Variants in NR5A2 observed in about 807,000 individuals in gnomAD.
The protein encoded by NR5A2 is CYP7A promoter-binding factor.
In NR5A2, 26 loss-of-function variants were observed where a neutral mutation model predicts 62.7. That is an observed-to-expected ratio of 0.41 (90% CI 0.30 to 0.58). NR5A2 has a LOEUF of 0.58. Among genes scored for constraint, NR5A2 ranks in the 20% least tolerant of loss-of-function variants. The pLI is 0.22. For missense variants in NR5A2, 541 were observed against 669.1 expected, an observed-to-expected ratio of 0.81 and a Z score of 2.11; for synonymous variants, 246 against 241.7, an observed-to-expected ratio of 1.02 and a Z score of -0.16.
intron 5 of NR5A2, among the ~76,000 whole-genome samples, chr1:200,092,268 A>G (rs1236385243): frequency 6.6e-6 from 1 of 152,218 alleles, no homozygotes; most frequent in African/African-American, 2.4e-5. Context: ...CAGACATAAT[A>G]TAGTAACTCT....
chr1:200,077,648 A>G (rs1228748000), intron 5 of NR5A2, among the ~76,000 whole-genome samples: 1 of 152,336 alleles, frequency 6.6e-6, no homozygotes, highest in South Asian at 2.1e-4. Context: ...TGGGAGGCGG[A>G]GGTTGCAGTG....
At chr1:200,157,375 G>T (rs1367789477) in intron 7 of NR5A2, among the ~76,000 whole-genome samples, 1 of 151,970 alleles carries the variant, frequency 6.6e-6, no homozygotes, top group Non-Finnish European at 1.5e-5. Flanking sequence ...AAAGGGAATG[G>T]TCACCACATA....
chr1:200,043,192 C>G (rs867956914), intron 2 of NR5A2, among the ~76,000 whole-genome samples: 1 of 152,160 alleles, frequency 6.6e-6, no homozygotes, highest in Non-Finnish European at 1.5e-5. Context: ...CTGAATGTTT[C>G]GATTATCTAA....
At chr1:200,155,632 T>A (rs977848646) in intron 7 of NR5A2, among the ~76,000 whole-genome samples, 1 of 152,186 alleles carries the variant, frequency 6.6e-6, no homozygotes, top group African/African-American at 2.4e-5. Flanking sequence ...TTCCTTCTGT[T>A]AATGGAGGAT....
chr1:200,111,353 C>T, intron 6 of NR5A2, 32 bp downstream of exon 6: 3 of 1,300,166 alleles, frequency 2.3e-6, no homozygotes, highest in Non-Finnish European at 3.2e-6. Flanking sequence ...AAAAAAAAAG[C>T]ATCTTTTTAT....
At chr1:200,149,311 C>T (rs871446) in intron 7 of NR5A2, among the ~76,000 whole-genome samples, 16,864 of 152,196 alleles carry the variant, frequency 0.11, 1,028 homozygotes, top group African/African-American at 0.13. Flanking sequence ...GAGTGTGGGT[C>T]GCAATAACTG....
At chr1:200,053,826 G>A (rs2102178957) in intron 5 of NR5A2, among the ~76,000 whole-genome samples, 1 of 152,270 alleles carries the variant, frequency 6.6e-6, no homozygotes, top group African/African-American at 2.4e-5. Flanking sequence ...GTATCATTCA[G>A]TACAGTGGAT....
At chr1:200,143,385 C>T (rs1449303314) in intron 7 of NR5A2, among the ~76,000 whole-genome samples, 1 of 152,106 alleles carries the variant, frequency 6.6e-6, no homozygotes. Flanking sequence ...CCACAGCTTA[C>T]CAAATCTATA....
intron 7 of NR5A2, among the ~76,000 whole-genome samples, chr1:200,122,743 G>A (rs920417338): frequency 2.0e-5 from 3 of 152,106 alleles, no homozygotes; most frequent in Non-Finnish European, 4.4e-5. Context: ...TGGCCTAAAT[G>A]TCCATTAAAT....
chr1:200,162,501 T>C (rs958811475), intron 7 of NR5A2, among the ~76,000 whole-genome samples: 7 of 152,156 alleles, frequency 4.6e-5, no homozygotes, highest in African/African-American at 1.7e-4. Context: ...TGGGGTGCCA[T>C]TGAATGATTT....
intron 7 of NR5A2, among the ~76,000 whole-genome samples, chr1:200,132,849 A>C (rs1558158577): frequency 6.6e-6 from 1 of 152,188 alleles, no homozygotes; most frequent in Non-Finnish European, 1.5e-5. Context: ...CCACATCCCA[A>C]GTTACCCAGA....
intron 5 of NR5A2, among the ~76,000 whole-genome samples, chr1:200,083,731 C>T (rs1365548140): frequency 6.6e-6 from 1 of 152,054 alleles, no homozygotes; most frequent in Admixed American, 6.6e-5. Flanking sequence ...CTTTGGGAGG[C>T]TGAGGCAGGT....
chr1:200,033,137 A>ACTCTGGAGTTTCCTGGAAAGGAT (rs1177102913), intron 1 of NR5A2, among the ~76,000 whole-genome samples: 13 of 152,052 alleles, frequency 8.5e-5, no homozygotes, highest in African/African-American at 3.1e-4. Flanking sequence ...CTGGTCCCCT[A>ACTCTGGAGTTTCCTGGAAAGGAT]CTCTGGAGTT....
At chr1:200,150,140 A>T (rs1374837404) in intron 7 of NR5A2, among the ~76,000 whole-genome samples, 1 of 152,196 alleles carries the variant, frequency 6.6e-6, no homozygotes, top group East Asian at 1.9e-4. Flanking sequence ...TCTCTCCTAT[A>T]CTTCTTGTTT....
chr1:200,093,933 G>C (rs1050380967), intron 5 of NR5A2, among the ~76,000 whole-genome samples: 1 of 152,146 alleles, frequency 6.6e-6, no homozygotes, highest in African/African-American at 2.4e-5. Flanking sequence ...GAGGCGGGCG[G>C]ATCACGAGGT....
chr1:200,158,001 T>G (rs548636462), intron 7 of NR5A2, among the ~76,000 whole-genome samples: 5 of 152,316 alleles, frequency 3.3e-5, no homozygotes, highest in African/African-American at 1.2e-4. Context: ...ATAGTAACAG[T>G]TCTCATATGG....
In NR5A2 at chr1:200,054,295, G is replaced by A. The variant is rs561319593; in HGVS notation, c.1110+5477G>A. The A allele has an allele frequency of 2.6e-5, 4 of 152,114 alleles. No homozygotes were observed. The South Asian group carries it at 6.2e-4, about 24-fold the overall frequency. The allele number at this position is 152,114 out of a possible 1,614,324, so 9.4% of individuals were successfully genotyped here. Reference sequence around the variant, plus strand: ...GTTTTTAGAAATTAAGAGCTAATTCGAGACTTTTGTATTCTGCTGAAAGAG... The same window carrying A: ...GTTTTTAGAAATTAAGAGCTAATTCAAGACTTTTGTATTCTGCTGAAAGAG... On this transcript the variant is annotated intron_variant, in intron 5 of 7. Coordinates refer to ENST00000367362, the MANE Select transcript of NR5A2 (RefSeq NM_205860.3).
intron 4 of NR5A2, 117 bp downstream of exon 4, chr1:200,045,701 A>G (rs1040755521): frequency 1.3e-6 from 1 of 742,252 alleles, no homozygotes; most frequent in African/African-American, 1.8e-5. Context: ...CACTACCGAC[A>G]ATACTGTAAG....
Position 200,045,530 on chromosome 1 carries a change from C to T in NR5A2, c.409C>T (p.Arg137Cys), listed in dbSNP as rs1662320373. The T allele has an allele frequency of 5.6e-6, 9 of 1,613,162 alleles. No individual in the cohort carries two copies. The East Asian group carries it at 1.1e-4, about 20-fold the overall frequency. Residue 137 changes from arginine (R) to cysteine (C), a missense_variant, in exon 4 of 8, where the codon CGT becomes TGT. Physicochemically the swap from Arg to Cys is radical, Grantham distance 180. Around this residue, in one of 3 missense-constraint regions of NR5A2, gnomAD observed 54 missense variants for 123.8 expected, o/e 0.44. Transcript: ENST00000367362. ...NCQIDKTQRK[R>C]CPYCRFQKCL... ...CCAAATTGACAAAACACAGAGAAAG[C>T]GTTGTCCTTACTGTCGTTTTCAAAA...
Sources: allele counts gnomAD v4.1 joint callset (sites outside exome capture counted in the v4.1 genomes callset), GRCh38; gene constraint gnomAD v4.1.1; regional missense constraint gnomAD v4.1.1; transcripts MANE v1.5; gene names NCBI Gene and HGNC (gene_info 2026-07-23, HGNC 2026-07-21).